NRXN3: variants seen among roughly 807,000 people sequenced by gnomAD.
NRXN3 encodes the protein neurexin III.
Under a neutral mutation model 137.6 loss-of-function variants are expected in NRXN3, and 32 were observed. The observed-to-expected ratio is 0.23, with a 90% CI of 0.18 to 0.31. The LOEUF is 0.31. NRXN3 is among the 10% of genes least tolerant of loss of function. NRXN3 has a pLI of 1.00. For missense variants in NRXN3, 1,574 were observed against 2,062.5 expected, an observed-to-expected ratio of 0.76 and a Z score of 4.59; for synonymous variants, 798 against 784.5, an observed-to-expected ratio of 1.02 and a Z score of -0.29.
At chr14:78,835,619 T>G (rs1460062781) in intron 10 of NRXN3, among the ~76,000 whole-genome samples, 1 of 152,196 alleles carries the variant, frequency 6.6e-6, no homozygotes, top group Admixed American at 6.5e-5. Flanking sequence ...TCTATTTTGT[T>G]GCTATTGCTC....
intron 15 of NRXN3, among the ~76,000 whole-genome samples, chr14:79,207,524 A>G (rs1429155128): frequency 6.6e-6 from 1 of 152,188 alleles, no homozygotes; most frequent in Non-Finnish European, 1.5e-5. Context: ...AGCAGAGTTC[A>G]GAATAGGGGC....
At chr14:79,201,948 T>C (rs1321081243) in intron 15 of NRXN3, among the ~76,000 whole-genome samples, 1 of 152,230 alleles carries the variant, frequency 6.6e-6, no homozygotes, top group African/African-American at 2.4e-5. Flanking sequence ...GCTAAAGCCA[T>C]ATAGTTAGTA....
chr14:79,830,240 G>A (rs1266029144), intron 20 of NRXN3, among the ~76,000 whole-genome samples: 2 of 152,136 alleles, frequency 1.3e-5, no homozygotes. Flanking sequence ...AGCTTGCAAG[G>A]AATAAATTTG....
intron 15 of NRXN3, among the ~76,000 whole-genome samples, chr14:79,284,262 C>T (rs2081803319): frequency 6.9e-6 from 1 of 145,402 alleles, no homozygotes; most frequent in Non-Finnish European, 1.5e-5. Context: ...CTTTGGGAGG[C>T]CGAGGTGGGG....
chr14:79,744,934 G>A lies in NRXN3; in HGVS notation c.4014+46997G>A, dbSNP rs1245021000. Reference sequence around the variant, plus strand: ...AAATCAGCCCTATCAGGAGCCAACAGAAAAGCTTGCTAGGGCAAGGTCAGA... The same window carrying A: ...AAATCAGCCCTATCAGGAGCCAACAAAAAAGCTTGCTAGGGCAAGGTCAGA... On this transcript the variant is annotated intron_variant, in intron 19 of 20. Transcript: ENST00000335750. Among the ~76,000 whole-genome samples the A allele has an allele frequency of 3.3e-5, 5 of 150,174 alleles. No homozygotes were observed. In the South Asian group the frequency reaches 1.0e-3, roughly 32 times the overall value.
intron 16 of NRXN3, among the ~76,000 whole-genome samples, chr14:79,637,726 G>GTTTTTTTTTTTTTTTTTTTTTTTT (rs1447669099): frequency 9.7e-5 from 9 of 92,980 alleles, no homozygotes; most frequent in African/African-American, 1.7e-4. Context: ...ATATAGAAAA[G>GTTTTTTTTTTTTTTTTTTTTTTTT]TTCTTTTTTT....
At chr14:79,626,285 G>C (rs1242235836) in intron 16 of NRXN3, among the ~76,000 whole-genome samples, 1 of 151,900 alleles carries the variant, frequency 6.6e-6, no homozygotes, top group Non-Finnish European at 1.5e-5. Context: ...GCCAGAGCTA[G>C]ATCTTCAAGG....
intron 17 of NRXN3, among the ~76,000 whole-genome samples, chr14:79,691,794 C>A (rs752293271): frequency 1.3e-5 from 2 of 152,024 alleles, no homozygotes; most frequent in Non-Finnish European, 2.9e-5. Context: ...GGTCCCGTCT[C>A]ACATGTGAAA....
chr14:79,405,804 T>C (rs1599808242), intron 15 of NRXN3, among the ~76,000 whole-genome samples: 1 of 152,172 alleles, frequency 6.6e-6, no homozygotes, highest in Admixed American at 6.5e-5. Context: ...GGAACCTTTG[T>C]CTTCTTGTGA....
At chr14:78,622,503 G>A (rs2097416257) in intron 4 of NRXN3, among the ~76,000 whole-genome samples, 1 of 152,218 alleles carries the variant, frequency 6.6e-6, no homozygotes, top group African/African-American at 2.4e-5. Context: ...GGATCCATCA[G>A]AGGATTCTTC....
At chr14:79,547,649 AG>A (rs2097333385) in intron 16 of NRXN3, among the ~76,000 whole-genome samples, 1 of 152,158 alleles carries the variant, frequency 6.6e-6, no homozygotes, top group Non-Finnish European at 1.5e-5. Context: ...CAGAGGGAAT[AG>A]GGTTCATAGA....
intron 4 of NRXN3, among the ~76,000 whole-genome samples, chr14:78,400,809 T>A (rs528797520): frequency 6.6e-6 from 1 of 152,290 alleles, no homozygotes; most frequent in African/African-American, 2.4e-5. Context: ...AGTGATAGAT[T>A]ATCATGATTA....
In NRXN3 at chr14:79,365,745, G is replaced by GAAAAAAAA. The variant is rs943211669; in HGVS notation, c.3263-101475_3263-101468dup. Among the ~76,000 whole-genome samples, 429 of 114,104 alleles carry GAAAAAAAA rather than the reference G, an allele frequency of 3.8e-3. 14 individuals are homozygous for GAAAAAAAA. The highest frequency in any genetic ancestry group is 0.011 in the African/African-American group (341 of 31,382). The allele number at this position is 114,104 out of a possible 152,430, so 74.9% of individuals were successfully genotyped here. On this transcript the variant is annotated intron_variant, in intron 15 of 20. Coordinates refer to ENST00000335750, the MANE Select transcript of NRXN3 (RefSeq NM_001330195.2). ...TGTCTCAAAAAAAAAAAAAAAAAAAGAAAAAAAAGAAGAGTTTTATTAAAC... is the reference window on the plus strand; with the variant it reads ...TGTCTCAAAAAAAAAAAAAAAAAAAGAAAAAAAAAAAAAAAAGAAGAGTTTTATTAAAC...
At chr14:78,914,736 A>G (rs1246895244) in intron 10 of NRXN3, among the ~76,000 whole-genome samples, 2 of 152,158 alleles carry the variant, frequency 1.3e-5, no homozygotes, top group Non-Finnish European at 2.9e-5. Flanking sequence ...GGCCATTTTG[A>G]GGACTTTGGG....
chr14:78,455,094 A>G (rs2094654083), intron 4 of NRXN3, among the ~76,000 whole-genome samples: 1 of 152,198 alleles, frequency 6.6e-6, no homozygotes, highest in Admixed American at 6.5e-5. Flanking sequence ...TTTGATGCCC[A>G]GGGCTGTAGG....
intron 17 of NRXN3, among the ~76,000 whole-genome samples, chr14:79,690,251 A>C (rs1796319984): frequency 6.6e-6 from 1 of 152,180 alleles, no homozygotes. Context: ...ACGTCTAAAA[A>C]GTTTACTCAA....
At position 79,644,720 on chromosome 14, in the gene NRXN3, G is replaced by C. The variant is rs187193969; in HGVS notation, c.3445-19058G>C. ...GAAAGCTAAAGGAAGAAACAGCCGT[G>C]TACATTTTAAATCAAGTCAATAATT... On this transcript the variant is annotated intron_variant, in intron 16 of 20. Transcript: ENST00000335750. Among the ~76,000 whole-genome samples, 5 of 135,948 alleles carry C rather than the reference G, an allele frequency of 3.7e-5. No individual in the cohort carries two copies. In the East Asian group the frequency reaches 9.8e-4, roughly 27 times the overall value. 89.2% of individuals were successfully genotyped at this position (135,948 alleles called of 152,430 possible).
At chr14:78,653,509 T>G (rs954810695) in intron 6 of NRXN3, among the ~76,000 whole-genome samples, 1 of 152,150 alleles carries the variant, frequency 6.6e-6, no homozygotes, top group Admixed American at 6.5e-5. Flanking sequence ...AGGTCTTGCC[T>G]TTAGGATTAA....
chr14:79,296,069 A>G (rs1265590941), intron 15 of NRXN3, among the ~76,000 whole-genome samples: 1 of 152,090 alleles, frequency 6.6e-6, no homozygotes, highest in Admixed American at 6.6e-5. Flanking sequence ...AACATGTAAC[A>G]TTGCATTGCT....
Sources: gnomAD v4.1 joint callset for allele counts (sites outside exome capture counted in the v4.1 genomes callset) on GRCh38, gnomAD v4.1.1 for gene constraint, MANE v1.5 for transcripts, NCBI Gene and HGNC (gene_info 2026-07-23, HGNC 2026-07-21) for gene names.